The following LRRC71 variants were observed in gnomAD, a reference collection of about 807,000 sequenced individuals.
LRRC71 encodes the protein leucine-rich repeat-containing protein 71.
In LRRC71, 54 loss-of-function variants were observed where a neutral mutation model predicts 66.6. That is an observed-to-expected ratio of 0.81 (90% confidence interval 0.65 to 1.02). LRRC71 has a LOEUF of 1.02. LRRC71 is among the 50% of genes least tolerant of loss of function. The pLI is 0.00. For missense variants in LRRC71, 724 were observed against 718.0 expected, an observed-to-expected ratio of 1.01 and a Z score of -0.10; for synonymous variants, 323 against 303.9, an observed-to-expected ratio of 1.06 and a Z score of -0.65.
Position 156,930,044 on chromosome 1 carries a change from C to CTCTT in LRRC71, c.1240+329_1240+332dup, listed in dbSNP as rs5778011. Among the ~76,000 whole-genome samples the CTCTT allele has an allele frequency of 1.4e-3, 179 of 127,954 alleles. 2 individuals carry two copies. The highest frequency in any genetic ancestry group is 5.1e-3 in the African/African-American group (165 of 32,642). The allele number at this position is 127,954 out of a possible 152,430, so 83.9% of individuals were successfully genotyped here. A position where few individuals can be genotyped will look rare whatever the true frequency, so the allele number is the denominator to read the frequency against. On this transcript the variant is annotated intron_variant, in intron 11 of 14. Transcript: ENST00000337428. ...TCTTTTCTTTTCTTTTTCTTTCTTT[C>CTCTT]TCTTTCTTTCTTTCTTTTTCTTTCT...
At chr1:156,939,685 A>G in the LRRC71 span, 13 of 1,614,042 alleles carry the variant, frequency 8.1e-6, no homozygotes, top group African/African-American at 1.3e-4. Flanking sequence ...ACAGAGACCC[A>G]TGTCTTCCTG....
downstream of LRRC71, among the ~76,000 whole-genome samples, chr1:156,936,480 G>GAAAAAAAAAAAAAA (rs35863393): frequency 4.2e-5 from 2 of 48,022 alleles, no homozygotes; most frequent in African/African-American, 2.3e-4. Flanking sequence ...CAAATAAATA[G>GAAAAAAAAAAAAAA]AAAAAAAAAA....
chr1:156,936,416 C>T (rs1047957010), downstream of LRRC71, among the ~76,000 whole-genome samples: 4 of 145,036 alleles, frequency 2.8e-5, no homozygotes, highest in Non-Finnish European at 6.0e-5. Flanking sequence ...TGGATCACTT[C>T]GGCCCAGGAG....
chr1:156,928,447 CTCCTCT>C (rs1056456335), intron 9 of LRRC71, among the ~76,000 whole-genome samples: 26 of 94,814 alleles, frequency 2.7e-4, no homozygotes, highest in South Asian at 1.7e-3. Context: ...CCTCTTCCTC[CTCCTCT>C]TCTTCTCCTT....
At chr1:156,937,573 C>T, downstream of LRRC71, 5 of 1,450,066 alleles carry the variant, frequency 3.4e-6, no homozygotes, top group Non-Finnish European at 4.6e-6. Context: ...TGTGGGATTC[C>T]CCAGCCACCT....
downstream of LRRC71, among the ~76,000 whole-genome samples, chr1:156,936,647 G>A (rs564529528): frequency 6.0e-3 from 911 of 151,708 alleles, 3 homozygotes; most frequent in Non-Finnish European, 0.01. Flanking sequence ...GAGCTTCTGT[G>A]GGACTTCCCT....
the LRRC71 span, chr1:156,940,388 C>A: frequency 6.2e-7 from 1 of 1,612,392 alleles, no homozygotes; most frequent in Non-Finnish European, 8.5e-7. Context: ...CTAGCAGGAC[C>A]TGGTGCTTCC....
At chr1:156,924,792 C>T (rs1652938903) in intron 4 of LRRC71, 74 bp downstream of exon 4, 1 of 1,513,106 alleles carries the variant, frequency 6.6e-7, no homozygotes, top group Admixed American at 2.0e-5. Context: ...GAGAGAGAAC[C>T]AAGGGGCATG....
chr1:156,936,168 T>C (rs1008459482), downstream of LRRC71: 5 of 1,144,822 alleles, frequency 4.4e-6, no homozygotes, highest in Non-Finnish European at 6.6e-6. Flanking sequence ...TCACCTTCCT[T>C]CTCCTCCAGA....
At chr1:156,930,034 TTCTTTCTTTC>T (rs895772559) in intron 11 of LRRC71, among the ~76,000 whole-genome samples, 8 of 144,872 alleles carry the variant, frequency 5.5e-5, no homozygotes, top group Non-Finnish European at 1.1e-4. Context: ...TCTTTTCTTT[TTCTTTCTTTC>T]TCTTTCTTTC....
Position 156,928,414 on chromosome 1 carries a change from TTCC to T in LRRC71, c.996+422_996+424del, listed in dbSNP as rs200799745. ...CTTCTTCTTCTTCTTCTTCCTCTTA[TTCC>T]TCCTCCTCCTCTTCTTCTTCCTCTT... On this transcript the variant is annotated intron_variant, in intron 9 of 14. Transcript: ENST00000337428. Among the ~76,000 whole-genome samples the T allele has an allele frequency of 8.1e-3, 925 of 114,166 alleles. 1 individual carries two copies. The highest frequency in any genetic ancestry group is 0.023 in the South Asian group (69 of 2,994). 74.9% of individuals were successfully genotyped at this position (114,166 alleles called of 152,430 possible).
chr1:156,924,372 C>T, intron 2 of LRRC71, 52 bp from the exon 3 acceptor site: 2 of 1,528,470 alleles, frequency 1.3e-6, no homozygotes. Flanking sequence ...GCCGGCCCGG[C>T]GTGGGGCCCT....
In LRRC71 at chr1:156,929,356, T is replaced by C. The variant is rs761850952; in HGVS notation, c.1073T>C (p.Leu358Ser). The change falls in exon 10 of 15, where the codon TTG becomes TCG. Residue 358 changes from leucine to serine, a missense_variant. Leu to Ser is a moderately radical substitution (Grantham distance 145). Transcript: ENST00000337428. ...SQMVGISNSA[L>S]VDKTDKTQTM... ...ATGGTAGGGATCAGCAATAGTGCAT[T>C]GGTGGACAAGACAGACAAGACGCAG... 7.4e-6 allele frequency: 12 copies of C among 1,613,334 alleles called. No homozygotes were observed. Among genetic ancestry groups the C allele is most frequent in the Non-Finnish European group, 9.3e-6 (11 of 1,179,716 alleles).
At position 156,927,635 on chromosome 1, in the gene LRRC71, G is replaced by C. The variant is rs773247848; in HGVS notation, c.802G>C (p.Gly268Arg). The change falls in exon 7 of 15, where the codon GGC (glycine) becomes CGC (arginine). Residue 268 changes from glycine to arginine, a missense_variant. Transcript: ENST00000337428. The part of the protein sequence containing the change: ...NLGFNHIGDE[G>R]AGYIADGLRL... ...GGGTTTCAACCACATCGGTGACGAG[G>C]GCGCAGGCTACATCGCGGACGTGAG... 4 of 1,604,826 alleles carry C rather than the reference G, an allele frequency of 2.5e-6. No individual in the cohort carries two copies. The highest frequency in any genetic ancestry group is 3.4e-6 in the Non-Finnish European group (4 of 1,175,870).
At chr1:156,936,494 AAAAAT>A (rs58594176), downstream of LRRC71, among the ~76,000 whole-genome samples, 310 of 90,206 alleles carry the variant, frequency 3.4e-3, 2 homozygotes, top group African/African-American at 0.014. Context: ...AAAAAAAAAA[AAAAAT>A]ATATATATAT....
intron 11 of LRRC71, 62 bp from the exon 12 acceptor site, chr1:156,930,467 G>A: frequency 1.4e-6 from 2 of 1,433,572 alleles, no homozygotes; most frequent in Non-Finnish European, 1.9e-6. Flanking sequence ...TTTCTCTGGG[G>A]AGGGAGCCTG....
At chr1:156,939,239 G>A in the LRRC71 span, 1 of 380,308 alleles carries the variant, frequency 2.6e-6, no homozygotes. Flanking sequence ...ACAGAGACTG[G>A]TACTGGTAGT....
intron 10 of LRRC71, 93 bp downstream of exon 10, chr1:156,929,522 T>C: frequency 6.4e-7 from 1 of 1,570,178 alleles, no homozygotes; most frequent in Non-Finnish European, 8.7e-7. Flanking sequence ...GAAGGCCACA[T>C]GGGCCTTTGA....
chr1:156,924,071 G>T lies in LRRC71; in HGVS notation c.283G>T (p.Ala95Ser). ...PRPHPPFVPS[A>S]SLSEKATLDD... ...CCCCCACCCGCCCTTCGTCCCCTCC[G>T]CCTCTTTGTCGGAAAAGGCCACCTT... Residue 95 changes from alanine to serine, a missense_variant, in exon 2 of 15, where the codon GCC (alanine) becomes TCC (serine). Physicochemically the swap from Ala to Ser is moderately conservative, Grantham distance 99 (BLOSUM62 1). Coordinates refer to ENST00000337428, the MANE Select transcript of LRRC71 (RefSeq NM_144702.3). 3 of 871,260 alleles carry T rather than the reference G, an allele frequency of 3.4e-6. No individual in the cohort carries two copies. Among genetic ancestry groups the T allele is most frequent in the Non-Finnish European group, 5.0e-6 (3 of 596,448 alleles). The allele number at this position is 871,260 out of a possible 1,614,324, so 54.0% of individuals were successfully genotyped here.
Sources: gnomAD v4.1 joint callset for allele counts (sites outside exome capture counted in the v4.1 genomes callset) on GRCh38, gnomAD v4.1.1 for gene constraint, MANE v1.5 for transcripts, NCBI Gene and HGNC (gene_info 2026-07-23, HGNC 2026-07-21) for gene names.